TMEM132D: variants seen among roughly 807,000 people sequenced by gnomAD.
TMEM132D encodes the protein mature OL transmembrane protein.
A neutral mutation model predicts 62.3 loss-of-function variants in TMEM132D; 21 were observed. The observed-to-expected ratio is 0.34, with a 90% confidence interval of 0.24 to 0.49. The LOEUF (loss-of-function observed/expected upper bound fraction) is 0.49, where lower values mean the gene tolerates loss of function less well. Ranked by LOEUF, TMEM132D falls within the 20% of genes least tolerant of loss-of-function variation. The pLI is 0.99. For synonymous variants in TMEM132D, 621 were observed against 575.6 expected (o/e 1.08, Z -1.13); for missense variants, 1,346 against 1,402.8 (o/e 0.96, Z 0.65).
intron 2 of TMEM132D, among the ~76,000 whole-genome samples, chr12:129,697,124 T>G (rs1362795901): frequency 6.6e-6 from 1 of 152,084 alleles, no homozygotes; most frequent in East Asian, 1.9e-4. Flanking sequence ...TCAGTCGCTA[T>G]CAACAAAGAA....
intron 1 of TMEM132D, among the ~76,000 whole-genome samples, chr12:129,871,032 T>C (rs1273610186): frequency 6.6e-6 from 1 of 152,178 alleles, no homozygotes; most frequent in East Asian, 1.9e-4. Context: ...TAATGAGGCT[T>C]CTGTCCCAGA....
intron 1 of TMEM132D, among the ~76,000 whole-genome samples, chr12:129,842,781 C>T (rs1187443192): frequency 6.6e-6 from 1 of 152,168 alleles, no homozygotes; most frequent in Non-Finnish European, 1.5e-5. Flanking sequence ...GCTGGTGTAT[C>T]TTTAATTTCC....
chr12:129,794,751 T>A (rs140403951), intron 1 of TMEM132D, among the ~76,000 whole-genome samples: 14 of 152,318 alleles, frequency 9.2e-5, no homozygotes, highest in Admixed American at 2.0e-4. Flanking sequence ...TTTTTCCACA[T>A]TATTTGCAAA....
intron 2 of TMEM132D, among the ~76,000 whole-genome samples, chr12:129,562,293 T>C (rs8181642): frequency 6.6e-6 from 1 of 152,328 alleles, no homozygotes; most frequent in East Asian, 1.9e-4. Context: ...TAGTAGATTG[T>C]AATGGATTTG....
At chr12:129,597,446 G>A (rs774931426) in intron 2 of TMEM132D, among the ~76,000 whole-genome samples, 11 of 152,136 alleles carry the variant, frequency 7.2e-5, no homozygotes, top group Non-Finnish European at 1.3e-4. Flanking sequence ...GAGCTGTAGC[G>A]CTTACCAGCA....
intron 3 of TMEM132D, among the ~76,000 whole-genome samples, chr12:129,502,767 C>T (rs1875192231): frequency 6.6e-6 from 1 of 152,178 alleles, no homozygotes; most frequent in Non-Finnish European, 1.5e-5. Flanking sequence ...CTAAATATAT[C>T]ACTCACTCGT....
intron 1 of TMEM132D, among the ~76,000 whole-genome samples, chr12:129,865,854 C>T (rs1173689957): frequency 1.3e-5 from 2 of 152,158 alleles, no homozygotes; most frequent in Admixed American, 6.5e-5. Context: ...GCAGTGGTCA[C>T]GGGACTAATG....
intron 1 of TMEM132D, among the ~76,000 whole-genome samples, chr12:129,762,051 A>T (rs1407211578): frequency 6.6e-6 from 1 of 152,186 alleles, no homozygotes; most frequent in Non-Finnish European, 1.5e-5. Flanking sequence ...AAGATGAGAC[A>T]TGAAGAAGAA....
intron 1 of TMEM132D, among the ~76,000 whole-genome samples, chr12:129,721,316 C>T (rs1245768374): frequency 1.3e-5 from 2 of 152,032 alleles, no homozygotes; most frequent in Non-Finnish European, 2.9e-5. Context: ...AATCCAACCA[C>T]AAGAGGGTCC....
chr12:129,660,958 T>C (rs1880223538), intron 2 of TMEM132D, among the ~76,000 whole-genome samples: 1 of 152,178 alleles, frequency 6.6e-6, no homozygotes, highest in Non-Finnish European at 1.5e-5. Context: ...GTAACATCCA[T>C]CCTACATAAT....
In TMEM132D at chr12:129,207,664, G is replaced by A. The variant is rs570599021; in HGVS notation, c.1443+1856C>T. On this transcript the variant is annotated intron_variant, in intron 5 of 8. Transcript: ENST00000422113. ...GGCAGCCAGAGGGGCTGTGCCTAGC[G>A]TGAGGCCAGCGTTACAGCAGGTATG... is the stretch of plus-strand genomic sequence containing the variant. Among the ~76,000 whole-genome samples, 6 of 152,304 alleles carry A rather than the reference G, an allele frequency of 3.9e-5. No homozygotes were observed. In the East Asian group the frequency reaches 5.8e-4, roughly 15 times the overall value.
intron 1 of TMEM132D, among the ~76,000 whole-genome samples, chr12:129,872,941 T>C (rs1874300862): frequency 1.3e-5 from 2 of 152,082 alleles, no homozygotes; most frequent in Admixed American, 1.3e-4. Context: ...TGCCTCTCAA[T>C]AAAAAGCAAA....
intron 1 of TMEM132D, among the ~76,000 whole-genome samples, chr12:129,859,552 A>C (rs1873827011): frequency 6.6e-6 from 1 of 152,234 alleles, no homozygotes; most frequent in African/African-American, 2.4e-5. Context: ...GTGTTGCCAG[A>C]GAAGATGAAC....
At chr12:129,733,891 G>C (rs1332771947) in intron 1 of TMEM132D, among the ~76,000 whole-genome samples, 1 of 152,160 alleles carries the variant, frequency 6.6e-6, no homozygotes, top group African/African-American at 2.4e-5. Context: ...TGCTCCCCAC[G>C]GATGCAGACA....
intron 2 of TMEM132D, among the ~76,000 whole-genome samples, chr12:129,559,601 C>T (rs11060439): frequency 6.6e-6 from 1 of 152,070 alleles, no homozygotes; most frequent in Non-Finnish European, 1.5e-5. Flanking sequence ...AATGGTAAAT[C>T]TCTATTTTAA....
chr12:129,683,003 C>G (rs1169660051), intron 2 of TMEM132D: 2 of 152,050 alleles, frequency 1.3e-5, no homozygotes, highest in African/African-American at 4.8e-5. Context: ...CTCACAGCAT[C>G]AGTCACTCAG....
chr12:129,533,469 C>A (rs1166765762), intron 2 of TMEM132D, among the ~76,000 whole-genome samples: 1 of 152,236 alleles, frequency 6.6e-6, no homozygotes, highest in Non-Finnish European at 1.5e-5. Flanking sequence ...TTTATTGAAT[C>A]AACATTGCTT....
intron 5 of TMEM132D, among the ~76,000 whole-genome samples, chr12:129,089,679 C>A (rs902631103): frequency 6.6e-6 from 1 of 152,214 alleles, no homozygotes; most frequent in Non-Finnish European, 1.5e-5. Context: ...CTTGTTGAGC[C>A]CCTAACACGT....
intron 4 of TMEM132D, among the ~76,000 whole-genome samples, chr12:129,245,687 G>A (rs1880081625): frequency 6.6e-6 from 1 of 152,112 alleles, no homozygotes; most frequent in South Asian, 2.1e-4. Context: ...AGAGTGGCCA[G>A]CAGGGCAGGC....
Sources: allele counts gnomAD v4.1 joint callset (sites outside exome capture counted in the v4.1 genomes callset), GRCh38; gene constraint gnomAD v4.1.1; transcripts MANE v1.5; gene names NCBI Gene and HGNC (gene_info 2026-07-23, HGNC 2026-07-21).